The following NCOA3 variants were observed in gnomAD, a reference collection of about 807,000 sequenced individuals.
The protein encoded by NCOA3 is nuclear receptor coactivator 3.
NCOA3 carries 51 observed loss-of-function variants against 158.8 expected under a neutral mutation model. The ratio of observed to expected loss-of-function variants is 0.32; its 90% confidence interval spans 0.26 to 0.41. NCOA3 has a LOEUF of 0.41. Among genes scored for constraint, NCOA3 ranks in the 10% least tolerant of loss-of-function variants. The pLI is 1.00. For synonymous variants in NCOA3, 537 were observed against 592.4 expected, an observed-to-expected ratio of 0.91 and a Z score of 1.36; for missense variants, 1,510 against 1,746.6, an observed-to-expected ratio of 0.86 and a Z score of 2.41.
At chr20:47,646,140 A>G (rs2086682381) in intron 17 of NCOA3, among the ~76,000 whole-genome samples, 1 of 152,218 alleles carries the variant, frequency 6.6e-6, no homozygotes, top group Admixed American at 6.5e-5. Context: ...CATATAGCCT[A>G]TGCACATCCT....
At chr20:47,591,288 G>T (rs533281299) in intron 2 of NCOA3, among the ~76,000 whole-genome samples, 2 of 152,260 alleles carry the variant, frequency 1.3e-5, no homozygotes, top group South Asian at 4.1e-4. Flanking sequence ...TAGACATTTT[G>T]GCCTTTAGTA....
chr20:47,548,329 G>C (rs946482231), intron 1 of NCOA3, among the ~76,000 whole-genome samples: 1 of 151,894 alleles, frequency 6.6e-6, no homozygotes, highest in African/African-American at 2.4e-5. Context: ...GATCACCTGA[G>C]GTCAGGAGTT....
chr20:47,550,173 G>A (rs1463876976), intron 1 of NCOA3, among the ~76,000 whole-genome samples: 1 of 150,638 alleles, frequency 6.6e-6, no homozygotes, highest in African/African-American at 2.4e-5. Flanking sequence ...GTCCAGGCGC[G>A]GTGGCTCACA....
At position 47,505,064 on chromosome 20, in the gene NCOA3, CT is replaced by C. The variant is rs566873992; in HGVS notation, c.-99+3060del. Among the ~76,000 whole-genome samples the C allele has an allele frequency of 1.1e-3, 29 of 27,090 alleles. 1 individual carries two copies. Among genetic ancestry groups the C allele is most frequent in the African/African-American group, 5.7e-3 (24 of 4,184 alleles). 17.8% of individuals were successfully genotyped at this position (27,090 alleles called of 152,430 possible). On this transcript the variant is annotated intron_variant, in intron 1 of 22. Transcript: ENST00000371998. ...GGCGTTTTTTTTTTTTCTTTTCTTT[CT>C]TTTTTTTTTTTTTTGAGAAGGAAAT...
chr20:47,630,457 CTTTTTTTTTT>C (rs10679994), intron 8 of NCOA3: 92 of 92,352 alleles, frequency 1.0e-3, no homozygotes, highest in African/African-American at 3.7e-3. Flanking sequence ...ATGGGCAAGA[CTTTTTTTTTT>C]TTTTTTTTTT....
chr20:47,600,110 T>TGTGTGTGTGTGTG (rs2085832889), intron 2 of NCOA3, among the ~76,000 whole-genome samples: 1 of 143,036 alleles, frequency 7.0e-6, no homozygotes, highest in African/African-American at 2.6e-5. Context: ...CTCACTTCCT[T>TGTGTGTGTGTGTG]TGTGTGTGTG....
chr20:47,563,888 C>CAAAAAAAAAAAAA (rs72161837), intron 1 of NCOA3, among the ~76,000 whole-genome samples: 3 of 58,818 alleles, frequency 5.1e-5, no homozygotes, highest in East Asian at 5.5e-4. Context: ...GATTCTGTCT[C>CAAAAAAAAAAAAA]AAAAAAAAAA....
At chr20:47,578,109 A>G (rs954264059) in intron 1 of NCOA3, among the ~76,000 whole-genome samples, 14 of 152,240 alleles carry the variant, frequency 9.2e-5, no homozygotes, top group African/African-American at 3.1e-4. Flanking sequence ...ATAATGGACT[A>G]AGTAATGGGA....
At chr20:47,513,621 G>T (rs1394634211) in intron 1 of NCOA3, among the ~76,000 whole-genome samples, 1 of 150,142 alleles carries the variant, frequency 6.7e-6, no homozygotes, top group Non-Finnish European at 1.5e-5. Context: ...AGCTACTCAG[G>T]AGGCTGAAAC....
chr20:47,529,333 G>T (rs2146102705), intron 1 of NCOA3, among the ~76,000 whole-genome samples: 1 of 151,612 alleles, frequency 6.6e-6, no homozygotes, highest in East Asian at 1.9e-4. Context: ...TGGCCAGGCT[G>T]GTCTCTAACT....
chr20:47,622,131 C>G (rs1177765575), intron 2 of NCOA3, 98 bp from the exon 3 acceptor site: 1 of 605,116 alleles, frequency 1.7e-6, no homozygotes, highest in Non-Finnish European at 2.9e-6. Context: ...GAAAGTAGTT[C>G]TGAATTAAAA....
At chr20:47,534,107 T>TGGG (rs202239860) in intron 1 of NCOA3, among the ~76,000 whole-genome samples, 1 of 35,750 alleles carries the variant, frequency 2.8e-5, no homozygotes, top group African/African-American at 7.2e-5. Context: ...ATGGTTTCAG[T>TGGG]GGGGGGGGCG....
intron 1 of NCOA3, among the ~76,000 whole-genome samples, chr20:47,509,118 G>C (rs745829898): frequency 1.3e-5 from 2 of 152,146 alleles, no homozygotes; most frequent in Non-Finnish European, 2.9e-5. Context: ...GAATTTAGAG[G>C]CTGGGTCCCA....
chr20:47,535,055 T>G (rs2425947), intron 1 of NCOA3, among the ~76,000 whole-genome samples: 22,232 of 151,734 alleles, frequency 0.15, 2,465 homozygotes, highest in African/African-American at 0.3. Flanking sequence ...TTAGCGTTAT[T>G]ATTATTCTTA....
intron 19 of NCOA3, among the ~76,000 whole-genome samples, chr20:47,650,259 C>CT (rs555753870): frequency 0.078 from 10,213 of 131,066 alleles, 527 homozygotes; most frequent in Middle Eastern, 0.16. Flanking sequence ...AGCCAGAAAG[C>CT]TTTTTTTTTT....
intron 2 of NCOA3, among the ~76,000 whole-genome samples, chr20:47,611,583 G>A (rs1288605690): frequency 1.3e-5 from 2 of 152,254 alleles, no homozygotes; most frequent in East Asian, 3.9e-4. Context: ...CCTGAGGTCA[G>A]GAGTTCGAGA....
chr20:47,562,727 T>A (rs2085127415), intron 1 of NCOA3, among the ~76,000 whole-genome samples: 1 of 152,146 alleles, frequency 6.6e-6, no homozygotes, highest in East Asian at 1.9e-4. Context: ...TTTGGAAAAT[T>A]TGGGATACTT....
intron 4 of NCOA3, 148 bp downstream of exon 4, chr20:47,624,231 T>C (rs1122944): frequency 0.43 from 258,294 of 597,094 alleles, 58,705 homozygotes; most frequent in Middle Eastern, 0.56. Flanking sequence ...TTGTGGTGCA[T>C]TTTATTTCTA....
intron 1 of NCOA3, among the ~76,000 whole-genome samples, chr20:47,522,540 G>A (rs1484802181): frequency 6.6e-6 from 1 of 151,842 alleles, no homozygotes; most frequent in Admixed American, 6.6e-5. Context: ...GTCCCCACCT[G>A]CCACAGATAC....
Sources: gnomAD v4.1 joint callset for allele counts (sites outside exome capture counted in the v4.1 genomes callset) on GRCh38, gnomAD v4.1.1 for gene constraint, MANE v1.5 for transcripts, NCBI Gene and HGNC (gene_info 2026-07-23, HGNC 2026-07-21) for gene names.